Variants in GLIPR1L1 observed in about 807,000 individuals in gnomAD.
GLIPR1L1 encodes GLIPR1-like protein 1.
In GLIPR1L1, 26 loss-of-function variants were observed where a neutral mutation model predicts 29.9. The ratio of observed to expected loss-of-function variants is 0.87; its 90% CI spans 0.64 to 1.21. The LOEUF (loss-of-function observed/expected upper bound fraction) is 1.21, where lower values mean the gene tolerates loss of function less well. Ranked by LOEUF, GLIPR1L1 falls within the 50% of genes most tolerant of loss-of-function variation. GLIPR1L1 has a pLI of 0.00. For missense variants in GLIPR1L1, 305 were observed against 290.3 expected (o/e 1.05, Z -0.37); for synonymous variants, 77 against 97.5 (o/e 0.79, Z 1.24).
chr12:75,351,929 G>C (rs1228620627), intron 3 of GLIPR1L1, among the ~76,000 whole-genome samples: 3 of 149,904 alleles, frequency 2.0e-5, no homozygotes, highest in Non-Finnish European at 4.4e-5. Context: ...AAGGAGAAAT[G>C]AGATTTTTTT....
chr12:75,368,523 T>C (rs1165339723), intron 4 of GLIPR1L1, among the ~76,000 whole-genome samples: 1 of 151,822 alleles, frequency 6.6e-6, no homozygotes, highest in Non-Finnish European at 1.5e-5. Context: ...TATTACGTTA[T>C]TCTTTCATTC....
Position 75,369,991 on chromosome 12 carries a change from G to A in GLIPR1L1, c.637+5G>A, listed in dbSNP as rs2044253004. 1 of 1,091,692 alleles carries A rather than the reference G, an allele frequency of 9.2e-7. No homozygotes were observed. The highest frequency in any genetic ancestry group is 2.6e-5 in the East Asian group (1 of 38,760). The allele number at this position is 1,091,692 out of a possible 1,614,324, so 67.6% of individuals were successfully genotyped here. A position where few individuals can be genotyped will look rare whatever the true frequency, so the allele number is the denominator to read the frequency against. ...CACAACTTATTATACCTAACCGTAT[G>A]TATCAAAATATTTTAGTATTAATTA... On this transcript the variant is annotated splice_donor_5th_base_variant and intron_variant, in intron 5 of 5. Coordinates refer to ENST00000378695, the MANE Select transcript of GLIPR1L1 (RefSeq NM_001304964.2).
chr12:75,369,698 T>A, intron 4 of GLIPR1L1: 1 of 985,184 alleles, frequency 1.0e-6, no homozygotes, highest in Non-Finnish European at 1.2e-6. Flanking sequence ...TTAACTACTT[T>A]ATAGCTTTTT....
intron 1 of GLIPR1L1, among the ~76,000 whole-genome samples, chr12:75,339,133 G>A (rs2041931784): frequency 6.6e-6 from 1 of 152,134 alleles, no homozygotes; most frequent in Non-Finnish European, 1.5e-5. Flanking sequence ...TGGGATTGCT[G>A]GGTCAAATGG....
At chr12:75,369,589 T>A in intron 4 of GLIPR1L1, 1 of 978,026 alleles carries the variant, frequency 1.0e-6, no homozygotes, top group South Asian at 4.7e-5. Flanking sequence ...CAGAAATGAA[T>A]GAGATTGTTA....
Position 75,347,608 on chromosome 12 carries a change from C to G in GLIPR1L1, c.421-14C>G. The G allele has an allele frequency of 6.4e-7, 1 of 1,551,760 alleles. No individual in the cohort carries two copies. The highest frequency in any genetic ancestry group is 8.9e-7 in the Non-Finnish European group (1 of 1,125,420). On this transcript the variant is annotated splice_polypyrimidine_tract_variant and intron_variant, in intron 2 of 5. Coordinates refer to ENST00000378695, the MANE Select transcript of GLIPR1L1 (RefSeq NM_001304964.2). ...GTTTTCCATATTTTATCTTGACATT[C>G]CTTTTCTTTATAGTTAGTTTGGGCC... is the stretch of plus-strand genomic sequence containing the variant.
chr12:75,334,827 T>C lies in GLIPR1L1; in HGVS notation c.99T>C (p.Phe33=), dbSNP rs1565941758. 15 of 1,614,026 alleles carry C rather than the reference T, an allele frequency of 9.3e-6. No homozygotes were observed. The highest frequency in any genetic ancestry group is 1.3e-5 in the Non-Finnish European group (15 of 1,180,010). The change falls in exon 1 of 6, where the codon TTT becomes TTC. Residue 33 remains phenylalanine (F), a synonymous_variant. Transcript: ENST00000378695. ...SKIPSITDPH[F]IDNCIEAHNE... ...TCCCATCCATCACTGACCCACACTT[T>C]ATAGACAACTGCATAGAAGCCCACA... is the stretch of plus-strand genomic sequence containing the variant.
intron 4 of GLIPR1L1, chr12:75,369,509 G>T: frequency 2.0e-6 from 2 of 978,260 alleles, no homozygotes; most frequent in Non-Finnish European, 2.4e-6. Flanking sequence ...GATGCTATTA[G>T]AATGGTAAAC....
chr12:75,366,896 G>C lies in GLIPR1L1; in HGVS notation c.611-3064G>C, dbSNP rs538703574. On this transcript the variant is annotated intron_variant, in intron 4 of 5. Coordinates refer to ENST00000378695, the MANE Select transcript of GLIPR1L1 (RefSeq NM_001304964.2). ...TAATTTTGTTGAGGGTTCCCTGTAG[G>C]GCCACTGCATGTCAAAAGGGGTTAA... 90 of 701,398 alleles carry C rather than the reference G, an allele frequency of 1.3e-4. No homozygotes were observed. The Middle Eastern group carries it at 8.1e-3, about 63-fold the overall frequency. 43.4% of individuals were successfully genotyped at this position (701,398 alleles called of 1,614,324 possible). A position where few individuals can be genotyped will look rare whatever the true frequency, so the allele number is the denominator to read the frequency against.
intron 4 of GLIPR1L1, among the ~76,000 whole-genome samples, chr12:75,367,573 G>A (rs1047637007): frequency 6.6e-5 from 10 of 151,858 alleles, no homozygotes; most frequent in Non-Finnish European, 1.5e-4. Context: ...TAATATATTT[G>A]TAGTTATTAT....
At chr12:75,355,374 TCAA>T (rs1342426332) in intron 3 of GLIPR1L1, among the ~76,000 whole-genome samples, 1 of 152,104 alleles carries the variant, frequency 6.6e-6, no homozygotes, top group African/African-American at 2.4e-5. Context: ...AAAACACAGC[TCAA>T]CATCATTGGT....
intron 3 of GLIPR1L1, among the ~76,000 whole-genome samples, chr12:75,357,371 G>A (rs1219871873): frequency 1.3e-5 from 2 of 152,012 alleles, no homozygotes; most frequent in Non-Finnish European, 2.9e-5. Flanking sequence ...TGTAAAATAA[G>A]ATCCAATATT....
chr12:75,358,934 G>A, intron 3 of GLIPR1L1, among the ~76,000 whole-genome samples: 1 of 144,620 alleles, frequency 6.9e-6, no homozygotes, highest in South Asian at 2.1e-4. Context: ...GCATAAAACA[G>A]ATAAATATAT....
chr12:75,339,756 A>C (rs2139289375), intron 1 of GLIPR1L1, among the ~76,000 whole-genome samples: 1 of 152,172 alleles, frequency 6.6e-6, no homozygotes, highest in East Asian at 1.9e-4. Flanking sequence ...TCTTGAGCTA[A>C]TTTTTGGATA....
intron 4 of GLIPR1L1, among the ~76,000 whole-genome samples, chr12:75,366,503 T>C (rs2043970875): frequency 6.6e-6 from 1 of 152,166 alleles, no homozygotes; most frequent in Non-Finnish European, 1.5e-5. Context: ...AATATGTAAC[T>C]AGTTTGGGTA....
rs1176264366 is a variant in GLIPR1L1, at chr12:75,343,846, C to G, written c.328C>G (p.Pro110Ala). 1.2e-6 allele frequency: 2 copies of G among 1,612,744 alleles called. No homozygotes were observed. Among genetic ancestry groups the G allele is most frequent in the Middle Eastern group, 1.6e-4 (1 of 6,064 alleles). The change falls in exon 2 of 6, where the codon CCA (proline) becomes GCA (alanine). Residue 110 changes from proline (P) to alanine (A), a missense_variant. By Grantham distance (27) the Pro-to-Ala change is conservative (BLOSUM62 -1). Coordinates refer to ENST00000378695, the MANE Select transcript of GLIPR1L1 (RefSeq NM_001304964.2). ...IWLGGIKSFT[P>A]RHAITAWYNE... ...GTTAGGTGGAATAAAGTCATTCACA[C>G]CAAGACATGCCATTACGGCTTGGTA... is the stretch of plus-strand genomic sequence containing the variant.
chr12:75,354,127 T>G (rs765577712), intron 3 of GLIPR1L1, among the ~76,000 whole-genome samples: 5 of 131,920 alleles, frequency 3.8e-5, no homozygotes, highest in Admixed American at 1.7e-4. Context: ...AACATAGTAT[T>G]GGAAGTTCTG....
At chr12:75,357,576 A>C (rs2043234328) in intron 3 of GLIPR1L1, among the ~76,000 whole-genome samples, 1 of 152,152 alleles carries the variant, frequency 6.6e-6, no homozygotes. Context: ...AGTGTACATG[A>C]AATATTTAAT....
At chr12:75,367,971 C>T (rs534462831) in intron 4 of GLIPR1L1, among the ~76,000 whole-genome samples, 39 of 152,110 alleles carry the variant, frequency 2.6e-4, no homozygotes, top group Middle Eastern at 3.4e-3. Flanking sequence ...TTTCTCTTTT[C>T]CTTATTTTGC....
Sources: gnomAD v4.1 joint callset for allele counts (sites outside exome capture counted in the v4.1 genomes callset) on GRCh38, gnomAD v4.1.1 for gene constraint, MANE v1.5 for transcripts, NCBI Gene and HGNC (gene_info 2026-07-23, HGNC 2026-07-21) for gene names.